NFIB: variants seen among roughly 807,000 people sequenced by gnomAD.
The protein encoded by NFIB is nuclear factor I B, also known as nuclear factor 1 B-type.
NFIB carries 11 observed loss-of-function variants against 61.5 expected under a neutral mutation model. That is an observed-to-expected ratio of 0.18 (90% CI 0.11 to 0.30). The LOEUF (loss-of-function observed/expected upper bound fraction) is 0.30. Ranked by LOEUF, NFIB falls within the 10% of genes least tolerant of loss-of-function variation. NFIB has a pLI of 1.00. For missense variants in NFIB, 471 were observed against 608.9 expected, an observed-to-expected ratio of 0.77 and a Z score of 2.38; for synonymous variants, 260 against 216.5, an observed-to-expected ratio of 1.20 and a Z score of -1.76.
At chr9:14,210,287 G>C (rs1259945640) in intron 2 of NFIB, among the ~76,000 whole-genome samples, 2 of 121,390 alleles carry the variant, frequency 1.6e-5, no homozygotes, top group Non-Finnish European at 3.2e-5. Context: ...TAAATGTAGA[G>C]GGTATTTAAA....
chr9:14,363,614 C>CATGTATATGTGTGTACATATACATATAT (rs1564032056), intron 1 of NFIB, among the ~76,000 whole-genome samples: 5 of 151,024 alleles, frequency 3.3e-5, no homozygotes, highest in Non-Finnish European at 5.9e-5. Context: ...TATATATGTG[C>CATGTATATGTGTGTACATATACATATAT]ATGTATATGT....
At chr9:14,111,912 C>T (rs1587282120) in intron 10 of NFIB, among the ~76,000 whole-genome samples, 1 of 151,992 alleles carries the variant, frequency 6.6e-6, no homozygotes, top group South Asian at 2.1e-4. Context: ...TGCAGTCTGC[C>T]CCCTTGGGCT....
In NFIB at chr9:14,109,119, T is replaced by G. The variant is rs576227563; in HGVS notation, c.1467+3880A>C. ...AAGAGGCCTGAAATTAGCAACTCAC[T>G]ATGAGGTAGACCAGATAAGAAACTG... is the stretch of plus-strand genomic sequence containing the variant. On this transcript the variant is annotated intron_variant, in intron 10 of 10. Coordinates refer to ENST00000380953, the MANE Select transcript of NFIB (RefSeq NM_001190737.2). Among the ~76,000 whole-genome samples the G allele has an allele frequency of 7.2e-5, 11 of 152,194 alleles. No homozygotes were observed. The South Asian group carries it at 2.1e-3, about 29-fold the overall frequency.
At chr9:14,464,504 C>G in the NFIB span, among the ~76,000 whole-genome samples, 1 of 152,052 alleles carries the variant, frequency 6.6e-6, no homozygotes, top group Non-Finnish European at 1.5e-5. Flanking sequence ...AAAACAGAAC[C>G]TGAAGTGTTG....
the NFIB span, among the ~76,000 whole-genome samples, chr9:14,434,131 G>C: frequency 3.9e-5 from 6 of 152,236 alleles, no homozygotes; most frequent in Admixed American, 3.3e-4. Context: ...GGAAAGAGAA[G>C]CTGTGTTCCC....
chr9:14,424,880 T>C, the NFIB span, among the ~76,000 whole-genome samples: 478 of 152,116 alleles, frequency 3.1e-3, 4 homozygotes, highest in Middle Eastern at 6.8e-3. Context: ...GAAGAGGAAG[T>C]GGGAAGGAAA....
intron 6 of NFIB, among the ~76,000 whole-genome samples, chr9:14,146,327 G>A (rs560645866): frequency 6.6e-6 from 1 of 152,064 alleles, no homozygotes; most frequent in Admixed American, 6.5e-5. Context: ...TTAAAGTTTG[G>A]CTCCCTGCAA....
chr9:14,444,800 T>A, the NFIB span, among the ~76,000 whole-genome samples: 1 of 152,206 alleles, frequency 6.6e-6, no homozygotes, highest in African/African-American at 2.4e-5. Context: ...CTTAACCAAG[T>A]TAAAACAGAA....
chr9:14,204,327 T>C (rs1472386856), intron 2 of NFIB: 1 of 740,068 alleles, frequency 1.4e-6, no homozygotes, highest in Non-Finnish European at 2.4e-6. Flanking sequence ...GCCAAGAAAG[T>C]GGTCAACCCC....
intron 1 of NFIB, chr9:14,361,191 A>C (rs985034578): frequency 1.3e-5 from 2 of 151,858 alleles, no homozygotes; most frequent in African/African-American, 2.4e-5. Flanking sequence ...AATTCAGATA[A>C]GTTTAACTCA....
intron 10 of NFIB, among the ~76,000 whole-genome samples, chr9:14,107,322 A>G (rs890694577): frequency 6.6e-6 from 1 of 151,626 alleles, no homozygotes; most frequent in Non-Finnish European, 1.5e-5. Context: ...GCAAAAAAAA[A>G]CAAACAAACA....
At chr9:14,427,947 T>TTTGTTTTG in the NFIB span, among the ~76,000 whole-genome samples, 2 of 101,626 alleles carry the variant, frequency 2.0e-5, 1 homozygote, top group Non-Finnish European at 4.0e-5. Flanking sequence ...GTTTTTTTTT[T>TTTGTTTTG]TTTTTTTTTT....
At chr9:14,504,896 C>T in the NFIB span, among the ~76,000 whole-genome samples, 1 of 152,164 alleles carries the variant, frequency 6.6e-6, no homozygotes, top group South Asian at 2.1e-4. Context: ...AAGTGGGCAT[C>T]CTTGTTGTGT....
At chr9:14,140,471 T>A (rs1407224521) in intron 6 of NFIB, among the ~76,000 whole-genome samples, 1 of 152,182 alleles carries the variant, frequency 6.6e-6, no homozygotes, top group Non-Finnish European at 1.5e-5. Flanking sequence ...ACATGTTCAG[T>A]CAAGAGCCAC....
chr9:14,342,311 C>T (rs1311847775), intron 1 of NFIB, among the ~76,000 whole-genome samples: 1 of 152,166 alleles, frequency 6.6e-6, no homozygotes, highest in Non-Finnish European at 1.5e-5. Context: ...TGTTTCATTA[C>T]TGGGACTCAA....
At chr9:14,515,916 G>A in the NFIB span, among the ~76,000 whole-genome samples, 4 of 152,336 alleles carry the variant, frequency 2.6e-5, no homozygotes, top group African/African-American at 7.2e-5. Context: ...AGGATTCTGC[G>A]AGCAGCTAGA....
chr9:14,184,790 G>A (rs2047162742), intron 2 of NFIB, among the ~76,000 whole-genome samples: 1 of 152,090 alleles, frequency 6.6e-6, no homozygotes, highest in Non-Finnish European at 1.5e-5. Context: ...GGAGGCTGAG[G>A]CAGGCAGATT....
intron 2 of NFIB, among the ~76,000 whole-genome samples, chr9:14,215,377 A>G (rs2050748209): frequency 1.3e-5 from 2 of 151,136 alleles, no homozygotes; most frequent in African/African-American, 4.9e-5. Context: ...ATATACTAAG[A>G]CTATGTTAAG....
intron 1 of NFIB, among the ~76,000 whole-genome samples, chr9:14,312,080 C>G (rs2060306166): frequency 6.6e-6 from 1 of 152,146 alleles, no homozygotes; most frequent in Non-Finnish European, 1.5e-5. Context: ...TGTTTACTTG[C>G]TGAAAATAGC....
Sources: gnomAD v4.1 joint callset for allele counts (sites outside exome capture counted in the v4.1 genomes callset) on GRCh38, gnomAD v4.1.1 for gene constraint, MANE v1.5 for transcripts, NCBI Gene and HGNC (gene_info 2026-07-23, HGNC 2026-07-21) for gene names.